Variants in GABRB1 observed in about 807,000 individuals in gnomAD.
GABRB1 encodes gamma-aminobutyric acid receptor subunit beta-1.
Under a neutral mutation model 51.6 loss-of-function variants are expected in GABRB1, and 17 were observed. The ratio of observed to expected loss-of-function variants is 0.33; its 90% CI spans 0.23 to 0.49. The LOEUF (loss-of-function observed/expected upper bound fraction) is 0.49, where lower values mean the gene tolerates loss of function less well. Ranked by LOEUF, GABRB1 falls within the 20% of genes least tolerant of loss-of-function variation. GABRB1 has a pLI of 0.99. For missense variants in GABRB1, 410 were observed against 600.6 expected (o/e 0.68, Z 3.32); for synonymous variants, 247 against 218.9 (o/e 1.13, Z -1.14).
chr4:47,158,053 A>T (rs139027000), intron 3 of GABRB1, among the ~76,000 whole-genome samples: 13 of 152,218 alleles, frequency 8.5e-5, no homozygotes, highest in Admixed American at 2.0e-4. Flanking sequence ...CAAAGGTTTC[A>T]CCACATGGCA....
At chr4:47,365,767 C>T (rs193011810) in intron 5 of GABRB1, among the ~76,000 whole-genome samples, 7 of 152,162 alleles carry the variant, frequency 4.6e-5, no homozygotes, top group Admixed American at 6.5e-5. Context: ...GCCAAGACCA[C>T]GGCTCCTACC....
intron 4 of GABRB1, among the ~76,000 whole-genome samples, chr4:47,317,626 T>C (rs1380919425): frequency 1.3e-5 from 2 of 151,964 alleles, no homozygotes; most frequent in African/African-American, 2.4e-5. Context: ...AATGCTTAAA[T>C]AAATTCAAGT....
chr4:47,397,051 C>T (rs1728200526), intron 5 of GABRB1, among the ~76,000 whole-genome samples: 1 of 151,726 alleles, frequency 6.6e-6, no homozygotes, highest in African/African-American at 2.4e-5. Flanking sequence ...GAACATTAAC[C>T]CTTGTCTTAA....
rs116866827 is a variant in GABRB1, at chr4:47,000,096, C to A, written c.-20+6170C>A. ...TTCTCTTTTATCAAAAACTCAGTGA[C>A]ATACTATTGGCTTCTAGTGCATCAG... On this transcript the variant is annotated intron_variant, in intron 1 of 3. Coordinates refer to the GABRB1 transcript ENST00000513567. 2.8e-3 allele frequency among the ~76,000 whole-genome samples: 427 copies of A among 152,284 alleles called. 3 individuals carry two copies. The highest frequency in any genetic ancestry group is 0.014 in the East Asian group (71 of 5,178).
At chr4:47,310,938 C>T (rs1342357413) in intron 4 of GABRB1, among the ~76,000 whole-genome samples, 19 of 149,570 alleles carry the variant, frequency 1.3e-4, no homozygotes, top group Middle Eastern at 7.2e-3. Context: ...CTGAGGTGGG[C>T]GGATCACTTG....
At chr4:47,053,341 G>T (rs1461769683) in intron 3 of GABRB1, among the ~76,000 whole-genome samples, 1 of 152,088 alleles carries the variant, frequency 6.6e-6, no homozygotes, top group Non-Finnish European at 1.5e-5. Flanking sequence ...CAGCAGGTCT[G>T]GTGTCTGGTG....
chr4:47,033,210 G>C (rs1337990710), intron 3 of GABRB1, among the ~76,000 whole-genome samples: 1 of 152,178 alleles, frequency 6.6e-6, no homozygotes, highest in Non-Finnish European at 1.5e-5. Flanking sequence ...GATAATTTAA[G>C]GGACGTTGGA....
chr4:47,294,734 G>C (rs1723899178), intron 4 of GABRB1, among the ~76,000 whole-genome samples: 1 of 152,248 alleles, frequency 6.6e-6, no homozygotes. Flanking sequence ...GTCCCTGTCT[G>C]ACAGCTTTGA....
chr4:47,058,989 G>A (rs1295822619), intron 3 of GABRB1, among the ~76,000 whole-genome samples: 1 of 152,146 alleles, frequency 6.6e-6, no homozygotes, highest in Non-Finnish European at 1.5e-5. Flanking sequence ...CTTATTAGTT[G>A]ATTAACTAAT....
chr4:47,151,186 A>C (rs1717431157), intron 3 of GABRB1, among the ~76,000 whole-genome samples: 1 of 152,008 alleles, frequency 6.6e-6, no homozygotes, highest in Non-Finnish European at 1.5e-5. Flanking sequence ...AAGGTAACTA[A>C]AAGTTCTAAG....
chr4:47,012,051 C>T (rs1003908750), intron 1 of GABRB1, among the ~76,000 whole-genome samples: 1 of 152,130 alleles, frequency 6.6e-6, no homozygotes, highest in Non-Finnish European at 1.5e-5. Context: ...GAGTATCCAC[C>T]ACACTGTCCT....
intron 4 of GABRB1, among the ~76,000 whole-genome samples, chr4:47,192,424 C>T (rs773263473): frequency 3.3e-4 from 50 of 152,052 alleles, no homozygotes; most frequent in Admixed American, 5.9e-4. Context: ...AATTTAATCC[C>T]ATTCAAATTT....
rs967724772 is a variant in GABRB1 at position 47,333,209 on chromosome 4, T to C, written c.544+13000T>C. 1.2e-4 allele frequency among the ~76,000 whole-genome samples: 3 copies of C among 25,252 alleles called. 1 individual carries two copies. The East Asian group carries it at 1.4e-3, about 11-fold the overall frequency. The allele number at this position is 25,252 out of a possible 152,430, so 16.6% of individuals were successfully genotyped here. On this transcript the variant is annotated intron_variant, in intron 5 of 8. Transcript: ENST00000295454. ...CCCATTTTATTTATATATATATATATATATATATATATATATATATATATA... is the reference window on the plus strand; with the variant it reads ...CCCATTTTATTTATATATATATATACATATATATATATATATATATATATA...
rs550356755 is a variant in GABRB1, at chr4:47,348,481, A to G, written c.544+28272A>G. ...AATATTGCATAAAATTACCTCCAGC[A>G]TGTATGTATATGGTATATATGAAAC... On this transcript the variant is annotated intron_variant, in intron 5 of 8. Transcript: ENST00000295454. Among the ~76,000 whole-genome samples the G allele has an allele frequency of 5.3e-4, 81 of 152,334 alleles. 1 individual carries two copies. Among genetic ancestry groups the G allele is most frequent in the African/African-American group, 1.9e-3 (79 of 41,578 alleles).
At chr4:47,059,360 A>AT (rs1726751575) in intron 3 of GABRB1, among the ~76,000 whole-genome samples, 1 of 152,118 alleles carries the variant, frequency 6.6e-6, no homozygotes. Flanking sequence ...TTTTTTGAGA[A>AT]GGAGTCTTGT....
chr4:47,011,909 C>T (rs1415452149), intron 1 of GABRB1, among the ~76,000 whole-genome samples: 1 of 152,036 alleles, frequency 6.6e-6, no homozygotes, highest in East Asian at 1.9e-4. Context: ...AAAAAAATCC[C>T]ACAGTAGAAT....
At chr4:47,255,643 A>G (rs1490996033) in intron 4 of GABRB1, among the ~76,000 whole-genome samples, 1 of 152,262 alleles carries the variant, frequency 6.6e-6, no homozygotes, top group Non-Finnish European at 1.5e-5. Flanking sequence ...ACAAAGAGGC[A>G]TGCCAAGGGC....
chr4:47,323,069 C>T (rs542395817), intron 5 of GABRB1, among the ~76,000 whole-genome samples: 1 of 152,226 alleles, frequency 6.6e-6, no homozygotes, highest in East Asian at 1.9e-4. Context: ...GCTGACTCAA[C>T]CAAAGACTGG....
At chr4:47,343,335 A>C (rs1236924637) in intron 5 of GABRB1, among the ~76,000 whole-genome samples, 4 of 152,160 alleles carry the variant, frequency 2.6e-5, no homozygotes, top group Non-Finnish European at 4.4e-5. Context: ...GAGACAAGTC[A>C]GTTTGGGATC....
Sources: gnomAD v4.1 joint callset for allele counts (sites outside exome capture counted in the v4.1 genomes callset) on GRCh38, gnomAD v4.1.1 for gene constraint, MANE v1.5 for transcripts, NCBI Gene and HGNC (gene_info 2026-07-23, HGNC 2026-07-21) for gene names.